GAB1: variants seen among roughly 807,000 people sequenced by gnomAD.
GAB1 encodes GRB2-associated-binding protein 1.
Under a neutral mutation model 66.5 loss-of-function variants are expected in GAB1, and 19 were observed. The ratio of observed to expected loss-of-function variants is 0.29; its 90% CI spans 0.20 to 0.42. The LOEUF (loss-of-function observed/expected upper bound fraction) is 0.42, where lower values mean the gene tolerates loss of function less well. Among genes scored for constraint, GAB1 ranks in the 10% least tolerant of loss-of-function variants. The pLI, the probability that GAB1 is intolerant of heterozygous loss-of-function variation, is 1.00. For missense variants in GAB1, 732 were observed against 858.5 expected (o/e 0.85, Z 1.84); for synonymous variants, 294 against 301.4 (o/e 0.98, Z 0.25).
At chr4:143,460,281 G>T in intron 7 of GAB1, 83 bp from the exon 8 acceptor site, 3 of 1,294,140 alleles carry the variant, frequency 2.3e-6, no homozygotes, top group South Asian at 2.4e-5. Context: ...AAAGAATGCA[G>T]ACTGTCTCTC....
intron 6 of GAB1, among the ~76,000 whole-genome samples, chr4:143,442,757 A>C (rs527318255): frequency 3.3e-5 from 5 of 152,194 alleles, no homozygotes; most frequent in African/African-American, 1.2e-4. Context: ...GAACAGAATA[A>C]AGTAGGTTCT....
At chr4:143,460,333 T>C in intron 7 of GAB1, 31 bp from the exon 8 acceptor site, 6 of 1,611,204 alleles carry the variant, frequency 3.7e-6, no homozygotes, top group Non-Finnish European at 5.1e-6. Flanking sequence ...TTGTCAAGGC[T>C]TATGTTTGTG....
At chr4:143,362,809 A>G (rs1217903159) in intron 1 of GAB1, among the ~76,000 whole-genome samples, 2 of 151,930 alleles carry the variant, frequency 1.3e-5, no homozygotes, top group African/African-American at 2.4e-5. Context: ...CTCCTATCTC[A>G]TCCTGTGACT....
chr4:143,415,660 G>T lies in GAB1; in HGVS notation c.256G>T (p.Asp86Tyr), dbSNP rs374885566. The T allele has an allele frequency of 6.8e-6, 11 of 1,613,896 alleles. No individual in the cohort carries two copies. Among genetic ancestry groups the T allele is most frequent in the East Asian group, 2.2e-5 (1 of 44,874 alleles). ...KKEFENSYIF[D>Y]INTIDRIFYL... ...AGAGTTTGAAAACAGCTACATTTTT[G>T]ATATCAACACTATTGACCGGATTTT... Residue 86 changes from aspartate (D) to tyrosine (Y), a missense_variant, in exon 2 of 10, where the codon GAT becomes TAT. Around this residue, in one of 4 missense-constraint regions of GAB1, gnomAD observed 66 missense variants for 130.3 expected, o/e 0.51. Coordinates refer to ENST00000262994, the MANE Select transcript of GAB1 (RefSeq NM_002039.4).
At chr4:143,350,012 G>T in intron 1 of GAB1, 1 of 1,564,796 alleles carries the variant, frequency 6.4e-7, no homozygotes, top group Non-Finnish European at 8.6e-7. Context: ...CCGCGACCCC[G>T]GCCCCGGATG....
At chr4:143,457,615 T>TTAA in intron 6 of GAB1, 10 of 497,686 alleles carry the variant, frequency 2.0e-5, no homozygotes, top group South Asian at 3.5e-5. Context: ...TTTTTTTTTT[T>TTAA]ACAGAATCCA....
At position 143,456,267 on chromosome 4, in the gene GAB1, C is replaced by T. The variant is rs569198710; in HGVS notation, c.1586-3118C>T. On this transcript the variant is annotated intron_variant, in intron 6 of 9. Transcript: ENST00000262994. Reference sequence around the variant, plus strand: ...GGTCAGGAGATCGAGACCATCCTGGCTAACACGGTGAAACCCCACCTCTAC... The same window carrying T: ...GGTCAGGAGATCGAGACCATCCTGGTTAACACGGTGAAACCCCACCTCTAC... Among the ~76,000 whole-genome samples, 63 of 152,228 alleles carry T rather than the reference C, an allele frequency of 4.1e-4. No individual in the cohort carries two copies. The South Asian group carries it at 0.012, about 30-fold the overall frequency.
chr4:143,364,021 C>T (rs995417693), intron 1 of GAB1, among the ~76,000 whole-genome samples: 2 of 152,044 alleles, frequency 1.3e-5, no homozygotes, highest in Non-Finnish European at 2.9e-5. Flanking sequence ...AACCCCATCT[C>T]TACTAAAAAT....
At chr4:143,437,548 G>A (rs190381738) in intron 3 of GAB1, among the ~76,000 whole-genome samples, 12 of 152,182 alleles carry the variant, frequency 7.9e-5, no homozygotes, top group East Asian at 1.9e-4. Context: ...TTAATTTTAC[G>A]GAACAACAAA....
intron 6 of GAB1, among the ~76,000 whole-genome samples, chr4:143,441,696 C>T (rs1201901260): frequency 1.3e-5 from 2 of 152,068 alleles, no homozygotes; most frequent in Admixed American, 1.3e-4. Flanking sequence ...ACATTCTTCC[C>T]TTCTTTTCTG....
intron 1 of GAB1, among the ~76,000 whole-genome samples, chr4:143,402,627 A>C (rs1001518172): frequency 6.6e-6 from 1 of 152,186 alleles, no homozygotes. Context: ...GATTTGTGGT[A>C]TTTTGAAGCC....
chr4:143,420,683 A>G (rs1333741836), intron 2 of GAB1, among the ~76,000 whole-genome samples: 1 of 152,058 alleles, frequency 6.6e-6, no homozygotes, highest in African/African-American at 2.4e-5. Flanking sequence ...ACTTCATATA[A>G]AGGTCTCTAA....
chr4:143,386,166 A>T (rs1730897359), intron 1 of GAB1, among the ~76,000 whole-genome samples: 1 of 152,152 alleles, frequency 6.6e-6, no homozygotes, highest in African/African-American at 2.4e-5. Context: ...TGGAACACAG[A>T]TGTGCCCATT....
chr4:143,385,950 A>C (rs935602171), intron 1 of GAB1, among the ~76,000 whole-genome samples: 1 of 152,176 alleles, frequency 6.6e-6, no homozygotes, highest in Non-Finnish European at 1.5e-5. Context: ...GACAAGCCGG[A>C]GCAACATGGT....
intron 1 of GAB1, among the ~76,000 whole-genome samples, chr4:143,407,991 G>A (rs1466971058): frequency 6.6e-6 from 1 of 152,046 alleles, no homozygotes; most frequent in African/African-American, 2.4e-5. Context: ...ATATTATAAT[G>A]ACTTTAAGGA....
chr4:143,425,439 C>G, intron 2 of GAB1: 1 of 759,740 alleles, frequency 1.3e-6, no homozygotes, highest in South Asian at 1.3e-5. Flanking sequence ...GAAGACCAGC[C>G]TCTCATAGAG....
chr4:143,350,179 G>A (rs1729144430), intron 1 of GAB1: 2 of 662,964 alleles, frequency 3.0e-6, no homozygotes, highest in Non-Finnish European at 5.2e-6. Context: ...CTTTTTGTGT[G>A]CTCCTAAATG....
chr4:143,357,841 G>T (rs1436267093), intron 1 of GAB1, among the ~76,000 whole-genome samples: 3 of 151,210 alleles, frequency 2.0e-5, no homozygotes, highest in African/African-American at 7.3e-5. Flanking sequence ...CTTCAAAGAT[G>T]GTTCTTAAGA....
At position 143,470,038 on chromosome 4, in the gene GAB1, G is replaced by C. The variant is rs948830842; in HGVS notation, c.*849G>C. The C allele has an allele frequency of 2.6e-5, 4 of 152,484 alleles. No homozygotes were observed. The highest frequency in any genetic ancestry group is 6.5e-5 in the Admixed American group (1 of 15,274). 9.4% of individuals were successfully genotyped at this position (152,484 alleles called of 1,614,324 possible). On this transcript the variant is annotated 3_prime_UTR_variant, in exon 10 of 10. Coordinates refer to ENST00000262994, the MANE Select transcript of GAB1 (RefSeq NM_002039.4). Reference sequence around the variant, plus strand: ...CCAGGCAGTGATGTGCTAATACACTGATCAGGTTTAGACAATGAGCTTTGG... The same window carrying C: ...CCAGGCAGTGATGTGCTAATACACTCATCAGGTTTAGACAATGAGCTTTGG...
Sources: gnomAD v4.1 joint callset for allele counts (sites outside exome capture counted in the v4.1 genomes callset) on GRCh38, gnomAD v4.1.1 for gene constraint, gnomAD v4.1.1 regional missense constraint, MANE v1.5 for transcripts, NCBI Gene and HGNC (gene_info 2026-07-23, HGNC 2026-07-21) for gene names.